The following ADAM22 variants were observed in gnomAD, a reference collection of about 807,000 sequenced individuals.
The protein encoded by ADAM22 is ADAM metallopeptidase domain 22, also known as disintegrin and metalloproteinase domain-containing protein 22.
In ADAM22, 65 loss-of-function variants were observed where a neutral mutation model predicts 144.6. That is an observed-to-expected ratio of 0.45 (90% CI 0.37 to 0.55). ADAM22 has a LOEUF of 0.55. Ranked by LOEUF, ADAM22 falls within the 20% of genes least tolerant of loss-of-function variation. The pLI is 0.00. For missense variants in ADAM22, 974 were observed against 1,184.9 expected, an observed-to-expected ratio of 0.82 and a Z score of 2.61; for synonymous variants, 391 against 412.6, an observed-to-expected ratio of 0.95 and a Z score of 0.63.
chr7:87,978,479 A>C, intron 3 of ADAM22, 67 bp downstream of exon 3: 2 of 1,411,180 alleles, frequency 1.4e-6, no homozygotes, highest in Non-Finnish European at 2.0e-6. Flanking sequence ...CCACTTGTAA[A>C]GTTTTTTCTT....
chr7:88,200,102 T>C lies in ADAM22; in HGVS notation c.*3611T>C, dbSNP rs1197993364. ...ACCTGTTACCTTTTTTGGGATTTTG[T>C]TCTTTATGTTTTACAGTTACCTTCG... On this transcript the variant is annotated 3_prime_UTR_variant, in exon 32 of 32. Transcript: ENST00000413139. 6.6e-6 allele frequency: 1 copy of C among 152,228 alleles called. No individual in the cohort carries two copies. Among genetic ancestry groups the C allele is most frequent in the Non-Finnish European group, 1.5e-5 (1 of 68,032 alleles). 9.4% of individuals were successfully genotyped at this position (152,228 alleles called of 1,614,324 possible).
chr7:88,051,964 A>G (rs563199489), intron 3 of ADAM22, among the ~76,000 whole-genome samples: 2 of 152,240 alleles, frequency 1.3e-5, no homozygotes, highest in South Asian at 4.2e-4. Context: ...ATATCCCTCC[A>G]AATTCAGAAT....
intron 6 of ADAM22, among the ~76,000 whole-genome samples, chr7:88,116,436 A>G (rs1327703100): frequency 1.3e-5 from 2 of 150,256 alleles, no homozygotes; most frequent in Non-Finnish European, 3.0e-5. Context: ...AATCAGTAAT[A>G]AAAAAACATT....
intron 15 of ADAM22, among the ~76,000 whole-genome samples, chr7:88,143,787 C>T (rs1459606178): frequency 2.0e-5 from 3 of 152,156 alleles, no homozygotes; most frequent in Admixed American, 6.5e-5. Flanking sequence ...TGCACCATTG[C>T]CTTTGTAATC....
intron 7 of ADAM22, among the ~76,000 whole-genome samples, chr7:88,119,407 A>G (rs1299530771): frequency 6.6e-6 from 1 of 152,226 alleles, no homozygotes; most frequent in Admixed American, 6.5e-5. Context: ...TGTTTAGCAC[A>G]TGCCTGTGAG....
intron 3 of ADAM22, among the ~76,000 whole-genome samples, chr7:88,043,051 C>T (rs951325874): frequency 2.6e-5 from 4 of 151,804 alleles, no homozygotes; most frequent in Middle Eastern, 6.3e-3. Context: ...TTTCTCTGTT[C>T]TTTGAGGGTT....
intron 3 of ADAM22, among the ~76,000 whole-genome samples, chr7:88,061,907 A>G (rs1045616189): frequency 6.7e-6 from 1 of 148,524 alleles, no homozygotes; most frequent in African/African-American, 2.5e-5. Flanking sequence ...CAGTGACACA[A>G]TCACAGCTCA....
intron 4 of ADAM22, among the ~76,000 whole-genome samples, chr7:88,096,474 G>T (rs1821331712): frequency 1.3e-5 from 2 of 149,278 alleles, no homozygotes; most frequent in Non-Finnish European, 1.5e-5. Flanking sequence ...CTGCTACATA[G>T]TTTTTTTTTG....
intron 3 of ADAM22, among the ~76,000 whole-genome samples, chr7:88,072,832 A>G (rs1348445811): frequency 6.6e-6 from 1 of 152,214 alleles, no homozygotes; most frequent in Non-Finnish European, 1.5e-5. Flanking sequence ...GTTGGAGGAC[A>G]GTCCTTTGCA....
Position 87,978,331 on chromosome 7 carries a change from T to C in ADAM22, c.247-5T>C, listed in dbSNP as rs1852406874. ...AAATAACCTTTTTTCTTTTTGATAT[T>C]GTAGTTGACTCATGTTGACCAAGCA... On this transcript the variant is annotated splice_polypyrimidine_tract_variant and splice_region_variant and intron_variant, in intron 2 of 31. Transcript: ENST00000413139. 2 of 1,610,738 alleles carry C rather than the reference T, an allele frequency of 1.2e-6. No homozygotes were observed. Among genetic ancestry groups the C allele is most frequent in the Non-Finnish European group, 8.5e-7 (1 of 1,178,462 alleles).
chr7:87,982,647 T>C (rs1331913099), intron 3 of ADAM22, among the ~76,000 whole-genome samples: 1 of 124,212 alleles, frequency 8.1e-6, no homozygotes, highest in Non-Finnish European at 1.7e-5. Context: ...TTATGAACAT[T>C]TATTCATCAG....
intron 3 of ADAM22, among the ~76,000 whole-genome samples, chr7:88,009,210 C>G (rs1794762252): frequency 6.6e-6 from 1 of 152,158 alleles, no homozygotes; most frequent in African/African-American, 2.4e-5. Flanking sequence ...TTTGTTATCA[C>G]TGTCCTCATT....
intron 4 of ADAM22, among the ~76,000 whole-genome samples, chr7:88,099,259 T>G (rs1822267912): frequency 6.6e-6 from 1 of 152,176 alleles, no homozygotes; most frequent in African/African-American, 2.4e-5. Flanking sequence ...GTTTTATCTA[T>G]GCCGGCAGAA....
intron 3 of ADAM22, among the ~76,000 whole-genome samples, chr7:88,035,186 G>A (rs1042470450): frequency 6.6e-5 from 10 of 152,172 alleles, no homozygotes; most frequent in Non-Finnish European, 1.3e-4. Context: ...TTCATGCCAA[G>A]AAACAGATTA....
intron 2 of ADAM22, among the ~76,000 whole-genome samples, chr7:87,960,493 G>A (rs1260739118): frequency 6.6e-6 from 1 of 152,028 alleles, no homozygotes; most frequent in African/African-American, 2.4e-5. Context: ...AAGAGAAACA[G>A]TTATACTTTT....
chr7:87,972,380 T>A (rs1195493106), intron 2 of ADAM22, among the ~76,000 whole-genome samples: 1 of 151,692 alleles, frequency 6.6e-6, no homozygotes, highest in Non-Finnish European at 1.5e-5. Context: ...TTACAAGGGA[T>A]GTGAAGGACC....
At chr7:88,010,029 CT>C (rs76466800) in intron 3 of ADAM22, among the ~76,000 whole-genome samples, 63,156 of 149,386 alleles carry the variant, frequency 0.42, 13,913 homozygotes, top group East Asian at 0.59. Context: ...GAATTTCTCT[CT>C]TTTTTTTTTT....
chr7:88,196,198 C>T (rs1023667591), intron 31 of ADAM22, among the ~76,000 whole-genome samples: 2 of 152,068 alleles, frequency 1.3e-5, no homozygotes, highest in Non-Finnish European at 2.9e-5. Flanking sequence ...ACAATATTGA[C>T]TCTATTCAAA....
intron 2 of ADAM22, among the ~76,000 whole-genome samples, chr7:87,948,816 T>A (rs1035186172): frequency 8.5e-5 from 13 of 152,206 alleles, no homozygotes; most frequent in Admixed American, 5.2e-4. Context: ...GGTGTTCTTA[T>A]GAAACAGATT....
Sources: gnomAD v4.1 joint callset for allele counts (sites outside exome capture counted in the v4.1 genomes callset) on GRCh38, gnomAD v4.1.1 for gene constraint, MANE v1.5 for transcripts, NCBI Gene and HGNC (gene_info 2026-07-23, HGNC 2026-07-21) for gene names.